The following SVIL variants were observed in gnomAD, a reference collection of about 807,000 sequenced individuals.
The protein encoded by SVIL is archvillin.
SVIL carries 101 observed loss-of-function variants against 240.4 expected under a neutral mutation model. The ratio of observed to expected loss-of-function variants is 0.42; its 90% CI spans 0.36 to 0.50. The LOEUF is 0.50. SVIL is among the 20% of genes least tolerant of loss of function. The pLI is 0.01. For missense variants in SVIL, 2,512 were observed against 2,818.7 expected, an observed-to-expected ratio of 0.89 and a Z score of 2.46; for synonymous variants, 999 against 1,100.0, an observed-to-expected ratio of 0.91 and a Z score of 1.82.
At chr10:29,504,861 G>A (rs1301059396) in intron 17 of SVIL, among the ~76,000 whole-genome samples, 1 of 152,184 alleles carries the variant, frequency 6.6e-6, no homozygotes, top group Non-Finnish European at 1.5e-5. Context: ...CAAATGAGTT[G>A]AAAACTTACA....
chr10:29,730,543 G>A (rs942393149), intron 1 of SVIL, among the ~76,000 whole-genome samples: 6 of 152,276 alleles, frequency 3.9e-5, no homozygotes, highest in Non-Finnish European at 2.9e-5. Context: ...AAGTGAAAAC[G>A]TCAGTAAACC....
At chr10:29,678,237 T>C (rs995429476) in intron 2 of SVIL, among the ~76,000 whole-genome samples, 10 of 151,932 alleles carry the variant, frequency 6.6e-5, no homozygotes, top group African/African-American at 2.2e-4. Context: ...CTCACCATAA[T>C]GTAGAATCAG....
intron 36 of SVIL, among the ~76,000 whole-genome samples, chr10:29,459,417 G>C (rs1943965185): frequency 6.6e-6 from 1 of 152,116 alleles, no homozygotes; most frequent in African/African-American, 2.4e-5. Context: ...TGTCCCATGA[G>C]TGAATTATGG....
At chr10:29,709,629 G>A (rs1963138698) in intron 1 of SVIL, among the ~76,000 whole-genome samples, 1 of 152,174 alleles carries the variant, frequency 6.6e-6, no homozygotes, top group South Asian at 2.1e-4. Flanking sequence ...GCTTGTGCCT[G>A]CAGCAGCTAG....
intron 2 of SVIL, among the ~76,000 whole-genome samples, chr10:29,567,407 A>G (rs1201954536): frequency 6.6e-6 from 1 of 152,244 alleles, no homozygotes; most frequent in African/African-American, 2.4e-5. Flanking sequence ...ACGAAGCCCC[A>G]TGAGCTCATA....
chr10:29,518,062 T>C (rs548470415), intron 16 of SVIL, among the ~76,000 whole-genome samples: 9 of 152,332 alleles, frequency 5.9e-5, no homozygotes, highest in Admixed American at 3.3e-4. Context: ...ATGGTTCAAA[T>C]TTGACATTCA....
chr10:29,528,075 C>T (rs1466293602), intron 12 of SVIL, among the ~76,000 whole-genome samples: 3 of 152,114 alleles, frequency 2.0e-5, no homozygotes, highest in Admixed American at 6.6e-5. Flanking sequence ...AATCTATAGG[C>T]ACATCAAGGT....
intron 17 of SVIL, among the ~76,000 whole-genome samples, chr10:29,502,691 G>A (rs1948993994): frequency 6.6e-6 from 1 of 152,110 alleles, no homozygotes; most frequent in South Asian, 2.1e-4. Context: ...GTGTGTGGGT[G>A]GGTGGGTGTG....
intron 6 of SVIL, among the ~76,000 whole-genome samples, chr10:29,540,039 G>A (rs928035264): frequency 2.1e-4 from 32 of 152,040 alleles, no homozygotes; most frequent in South Asian, 2.1e-4. Context: ...TCTCACGTGC[G>A]TTACCAAGAT....
intron 7 of SVIL, among the ~76,000 whole-genome samples, chr10:29,533,771 T>C (rs997075502): frequency 2.0e-5 from 3 of 152,110 alleles, no homozygotes; most frequent in African/African-American, 4.8e-5. Flanking sequence ...GAAAAATGCG[T>C]TAATATCCAC....
At chr10:29,555,554 A>T (rs1953847582) in intron 3 of SVIL, among the ~76,000 whole-genome samples, 1 of 152,228 alleles carries the variant, frequency 6.6e-6, no homozygotes, top group South Asian at 2.1e-4. Flanking sequence ...ACACCTAGCT[A>T]TGTGACTCAC....
chr10:29,491,962 G>A (rs914279837), intron 21 of SVIL, among the ~76,000 whole-genome samples: 2 of 152,198 alleles, frequency 1.3e-5, no homozygotes, highest in African/African-American at 2.4e-5. Flanking sequence ...AACAAATTGA[G>A]CAAACTGGAA....
chr10:29,709,092 C>T (rs568627968), intron 1 of SVIL, among the ~76,000 whole-genome samples: 17 of 152,132 alleles, frequency 1.1e-4, no homozygotes, highest in Non-Finnish European at 2.2e-4. Flanking sequence ...TTCTAAAAAC[C>T]ACAGAAAAAT....
chr10:29,528,280 G>A (rs899883000), intron 12 of SVIL, among the ~76,000 whole-genome samples: 4 of 152,162 alleles, frequency 2.6e-5, no homozygotes, highest in Non-Finnish European at 4.4e-5. Flanking sequence ...GGAACAACTC[G>A]GGGAGGAACT....
intron 6 of SVIL, among the ~76,000 whole-genome samples, chr10:29,537,294 C>T (rs866222824): frequency 9.2e-5 from 14 of 152,058 alleles, no homozygotes; most frequent in African/African-American, 2.9e-4. Flanking sequence ...AGCTAAGGAA[C>T]GACGAAAATG....
chr10:29,579,526 G>T (rs1462191914), intron 1 of SVIL, among the ~76,000 whole-genome samples: 1 of 152,210 alleles, frequency 6.6e-6, no homozygotes, highest in Non-Finnish European at 1.5e-5. Context: ...CAATGTCTCA[G>T]TATGAGTCCA....
chr10:29,639,290 G>A (rs984587451), upstream of SVIL, among the ~76,000 whole-genome samples: 7 of 152,218 alleles, frequency 4.6e-5, no homozygotes, highest in African/African-American at 1.7e-4. Context: ...TCCTGCCTCA[G>A]CCTCCGGAGT....
At chr10:29,728,245 A>G (rs912170787) in intron 1 of SVIL, among the ~76,000 whole-genome samples, 8 of 152,352 alleles carry the variant, frequency 5.3e-5, no homozygotes, top group African/African-American at 1.9e-4. Flanking sequence ...GTGTGTATGT[A>G]CAATTTCCAT....
Position 29,513,386 on chromosome 10 carries a change from C to T in SVIL, c.3390-525G>A, listed in dbSNP as rs548513024. ...GAGTTCGAGACCAGCCTGGCCAATA[C>T]GGTGAAACCCCATCTCTACTAAAAA... On this transcript the variant is annotated intron_variant, in intron 16 of 37. Transcript: ENST00000355867. Among the ~76,000 whole-genome samples, 6 of 152,162 alleles carry T rather than the reference C, an allele frequency of 3.9e-5. No homozygotes were observed. The East Asian group carries it at 5.8e-4, about 15-fold the overall frequency.
Sources: gnomAD v4.1 joint callset for allele counts (sites outside exome capture counted in the v4.1 genomes callset) on GRCh38, gnomAD v4.1.1 for gene constraint, MANE v1.5 for transcripts, NCBI Gene and HGNC (gene_info 2026-07-23, HGNC 2026-07-21) for gene names.